The following COQ6 variants were observed in gnomAD, a reference collection of about 807,000 sequenced individuals.
The protein encoded by COQ6 is coenzyme Q6, monooxygenase, also known as ubiquinone biosynthesis monooxygenase COQ6, mitochondrial.
In COQ6, 45 loss-of-function variants were observed where a neutral mutation model predicts 55.5. That is an observed-to-expected ratio of 0.81 (90% CI 0.64 to 1.04). COQ6 has a LOEUF of 1.04. Among genes scored for constraint, COQ6 ranks in the 50% least tolerant of loss-of-function variants. COQ6 has a pLI of 0.00. For missense variants in COQ6, 550 were observed against 601.3 expected (o/e 0.91, Z 0.89); for synonymous variants, 206 against 230.5 (o/e 0.89, Z 0.96).
chr14:73,949,960 T>C (rs1384931270), upstream of COQ6: 12 of 1,613,302 alleles, frequency 7.4e-6, no homozygotes, highest in African/African-American at 1.3e-4. Context: ...GGCAGTCTCT[T>C]TTCTCTCCTC....
At position 73,956,275 on chromosome 14, in the gene COQ6, C is replaced by T. The variant is rs367625527; in HGVS notation, c.481+347C>T. ...CCCAGGAGGTGGAGCTTGCAGTGAG[C>T]CGAGATCACGCCACTGCACTCCAGC... is the stretch of plus-strand genomic sequence containing the variant. On this transcript the variant is annotated intron_variant, in intron 4 of 11. Coordinates refer to ENST00000334571, the MANE Select transcript of COQ6 (RefSeq NM_182476.3). 75 of 302,816 alleles carry T rather than the reference C, an allele frequency of 2.5e-4. 1 individual carries two copies. The highest frequency in any genetic ancestry group is 2.4e-3 in the Middle Eastern group (2 of 828). 18.8% of individuals were successfully genotyped at this position (302,816 alleles called of 1,614,324 possible). A position where few individuals can be genotyped will look rare whatever the true frequency, so the allele number is the denominator to read the frequency against.
chr14:73,950,621 C>T, intron 1 of COQ6, 126 bp downstream of exon 1: 1 of 1,392,706 alleles, frequency 7.2e-7, no homozygotes, highest in Non-Finnish European at 9.6e-7. Flanking sequence ...TCTCCCCTCC[C>T]CTCCTAGAGG....
intron 8 of COQ6, 150 bp from the exon 9 acceptor site, chr14:73,961,023 C>CT: frequency 1.1e-6 from 1 of 899,756 alleles, no homozygotes; most frequent in Non-Finnish European, 1.8e-6. Flanking sequence ...TTGCTTTGCA[C>CT]TTGAGGGGCT....
At chr14:73,950,890 C>T (rs2056163753) in intron 1 of COQ6, among the ~76,000 whole-genome samples, 1 of 152,304 alleles carries the variant, frequency 6.6e-6, no homozygotes, top group Middle Eastern at 3.4e-3. Context: ...TGTTGAATAT[C>T]CTTTCATATG....
rs767461897 is a variant in COQ6, at chr14:73,963,521, ATTAC to A, written c.*525_*528del. The A allele has an allele frequency of 2.9e-4, 49 of 166,918 alleles. No individual in the cohort carries two copies. The highest frequency in any genetic ancestry group is 1.0e-4 in the Non-Finnish European group (8 of 77,966). The allele number at this position is 166,918 out of a possible 1,614,324, so 10.3% of individuals were successfully genotyped here. A position where few individuals can be genotyped will look rare whatever the true frequency, so the allele number is the denominator to read the frequency against. ...AAACCAGGTCTCATTAATGCTAGTT[ATTAC>A]TTTATCACAGCACCAGATTTCCATT... On this transcript the variant is annotated 3_prime_UTR_variant, in exon 12 of 12. Coordinates refer to ENST00000334571, the MANE Select transcript of COQ6 (RefSeq NM_182476.3).
intron 1 of COQ6, 77 bp from the exon 2 acceptor site, chr14:73,953,358 T>G (rs2056273233): frequency 8.1e-7 from 1 of 1,234,900 alleles, no homozygotes; most frequent in East Asian, 2.3e-5. Flanking sequence ...GTTAAGTGGT[T>G]ACTCTGTTGT....
chr14:73,962,898 T>C, intron 11 of COQ6, 72 bp from the exon 12 acceptor site: 2 of 1,283,906 alleles, frequency 1.6e-6, no homozygotes, highest in African/African-American at 1.5e-5. Context: ...ACCTACGTGA[T>C]TATTATCTAC....
intron 4 of COQ6, among the ~76,000 whole-genome samples, chr14:73,957,145 T>C (rs2056476623): frequency 6.6e-6 from 1 of 151,940 alleles, no homozygotes; most frequent in Middle Eastern, 3.4e-3. Flanking sequence ...TCGCCCAGGC[T>C]GGAGTGCAGT....
In COQ6 at chr14:73,953,536, T is replaced by C. The variant is rs762722224; in HGVS notation, c.265T>C (p.Ser89Pro). ...LSETYSNRVS[S>P]ISPGSATLLS... ...AGAAACTTACAGCAACAGGGTCAGC[T>C]CCATTTCCCCTGGCTCTGCAACGCT... The change falls in exon 2 of 12, where the codon TCC becomes CCC. Residue 89 changes from serine to proline, a missense_variant. Transcript: ENST00000334571. 6.2e-6 allele frequency: 10 copies of C among 1,614,196 alleles called. No homozygotes were observed. Among genetic ancestry groups the C allele is most frequent in the Non-Finnish European group, 8.5e-6 (10 of 1,180,030 alleles).
chr14:73,961,216 C>T lies in COQ6; in HGVS notation c.935C>T (p.Ala312Val), dbSNP rs757949655. 2.5e-6 allele frequency: 4 copies of T among 1,614,054 alleles called. No individual in the cohort carries two copies. The highest frequency in any genetic ancestry group is 1.6e-4 in the Middle Eastern group (1 of 6,062). Residue 312 changes from alanine to valine, a missense_variant, in exon 9 of 12, where the codon GCC becomes GTC. Physicochemically the swap from Ala to Val is moderately conservative, Grantham distance 64. Transcript: ENST00000334571. ...ACGGACTTCATCGACACAGCTGGTG[C>T]CATGCTGCAGTATGCTGTCAGCCTT... ...DHTDFIDTAGAMLQYAVSLLK... is the reference protein window; with the variant it reads ...DHTDFIDTAGVMLQYAVSLLK...
rs771092549 is a variant in COQ6, at chr14:73,950,350, C to T, written c.18C>T (p.Val6=). Residue 6 remains valine, a synonymous_variant, in exon 1 of 12, where the codon GTC becomes GTT. Coordinates refer to ENST00000334571, the MANE Select transcript of COQ6 (RefSeq NM_182476.3). The part of the protein sequence containing the change: MAARL[V]SRCGAVRAAP... ...TCTGCACCATGGCGGCCCGGCTTGT[C>T]AGCCGATGCGGGGCTGTGCGTGCAG... 3.9e-6 allele frequency: 6 copies of T among 1,554,972 alleles called. No individual in the cohort carries two copies. The highest frequency in any genetic ancestry group is 2.3e-5 in the South Asian group (2 of 85,270).
At chr14:73,958,110 C>T in intron 4 of COQ6, 37 bp from the exon 5 acceptor site, 1 of 1,573,534 alleles carries the variant, frequency 6.4e-7, no homozygotes, top group Non-Finnish European at 8.7e-7. Flanking sequence ...TGTGGCCCAC[C>T]TTTCTAATTT....
rs1002407914 is a variant in COQ6 at position 73,960,405 on chromosome 14, T to C, written c.892-768T>C. On this transcript the variant is annotated intron_variant, in intron 8 of 11. Coordinates refer to ENST00000334571, the MANE Select transcript of COQ6 (RefSeq NM_182476.3). ...GATAATATGGGTACCAGTATTACTTTTGGAGCCTAAATGACACTCAAAGCC... is the reference window on the plus strand; with the variant it reads ...GATAATATGGGTACCAGTATTACTTCTGGAGCCTAAATGACACTCAAAGCC... 4 of 988,158 alleles carry C rather than the reference T, an allele frequency of 4.0e-6. No homozygotes were observed. In the African/African-American group the frequency reaches 5.2e-5, roughly 13 times the overall value. 61.2% of individuals were successfully genotyped at this position (988,158 alleles called of 1,614,324 possible).
At chr14:73,960,984 T>C (rs1005767437) in intron 8 of COQ6, 189 bp from the exon 9 acceptor site, 1 of 720,510 alleles carries the variant, frequency 1.4e-6, no homozygotes, top group Non-Finnish European at 2.4e-6. Flanking sequence ...TTTGGCTAGA[T>C]CTTAAAACCT....
upstream of COQ6, chr14:73,950,018 C>G (rs2056123601): frequency 1.2e-6 from 2 of 1,612,790 alleles, no homozygotes; most frequent in Admixed American, 1.7e-5. Context: ...CAGGCCTCCC[C>G]ACGGTCATTT....
intron 2 of COQ6, among the ~76,000 whole-genome samples, chr14:73,954,331 C>T (rs1348705451): frequency 6.6e-6 from 1 of 152,148 alleles, no homozygotes; most frequent in African/African-American, 2.4e-5. Flanking sequence ...CAGGCACAGT[C>T]ATGTGTACCT....
rs757454925 is a variant in COQ6, at chr14:73,950,690, G to A, written c.163+195G>A. The stretch of plus-strand genomic sequence containing the variant: ...TCAGGGTCCATTAGGGTCAAAAGTG[G>A]GAGGGGCGTTCAGAGTCTGTTCTAC... On this transcript the variant is annotated intron_variant, in intron 1 of 11. Coordinates refer to ENST00000334571, the MANE Select transcript of COQ6 (RefSeq NM_182476.3). 99 of 783,136 alleles carry A rather than the reference G, an allele frequency of 1.3e-4. No individual in the cohort carries two copies. Among genetic ancestry groups the A allele is most frequent in the Non-Finnish European group, 1.8e-4 (92 of 505,692 alleles). 48.5% of individuals were successfully genotyped at this position (783,136 alleles called of 1,614,324 possible).
At chr14:73,955,953 C>T (rs563264718) in intron 4 of COQ6, 25 bp downstream of exon 4, 3 of 1,613,646 alleles carry the variant, frequency 1.9e-6, no homozygotes, top group Admixed American at 1.7e-5. Flanking sequence ...TTCCACCTTG[C>T]ATTCATTGGG....
chr14:73,958,245 G>C lies in COQ6; in HGVS notation c.580G>C (p.Gly194Arg). The change falls in exon 5 of 12, where the codon GGT (glycine) becomes CGT (arginine). Residue 194 changes from glycine to arginine, a missense_variant. Transcript: ENST00000334571. ...CAGCCCTTGGGTTCATATTACCCTA[G>C]GTGATGGCAGCACCTTCCAGACCAA... ...DSSPWVHITL[G>R]DGSTFQTKLL... 1 of 1,614,094 alleles carries C rather than the reference G, an allele frequency of 6.2e-7. No homozygotes were observed. Among genetic ancestry groups the C allele is most frequent in the Non-Finnish European group, 8.5e-7 (1 of 1,179,976 alleles).
Sources: allele counts gnomAD v4.1 joint callset (sites outside exome capture counted in the v4.1 genomes callset), GRCh38; gene constraint gnomAD v4.1.1; transcripts MANE v1.5; gene names NCBI Gene and HGNC (gene_info 2026-07-23, HGNC 2026-07-21).